LRCH1: variants seen among roughly 807,000 people sequenced by gnomAD.
LRCH1 encodes leucine-rich repeat and calponin homology domain-containing protein 1.
LRCH1 carries 23 observed loss-of-function variants against 94.9 expected under a neutral mutation model. The observed-to-expected ratio is 0.24, with a 90% CI of 0.17 to 0.34. The LOEUF is 0.34. Among genes scored for constraint, LRCH1 ranks in the 10% least tolerant of loss-of-function variants. The pLI is 1.00. For synonymous variants in LRCH1, 364 were observed against 354.9 expected (o/e 1.03, Z -0.29); for missense variants, 790 against 945.9 (o/e 0.84, Z 2.16).
At chr13:46,751,409 T>C (rs1268363300) in exon 19 of LRCH1, 1 of 152,160 alleles carries the variant, frequency 6.6e-6, no homozygotes, top group Admixed American at 6.6e-5. Context: ...GTCTTATTTA[T>C]ATTTCTGCAT....
At chr13:46,569,380 C>T (rs1323492125) in intron 1 of LRCH1, among the ~76,000 whole-genome samples, 1 of 152,034 alleles carries the variant, frequency 6.6e-6, no homozygotes, top group East Asian at 1.9e-4. Context: ...AAGAACTTGC[C>T]CAAGATCCCC....
intron 9 of LRCH1, among the ~76,000 whole-genome samples, chr13:46,698,798 A>G (rs1054848490): frequency 2.0e-5 from 3 of 152,212 alleles, no homozygotes; most frequent in African/African-American, 7.2e-5. Flanking sequence ...AAAATGTTTA[A>G]TTATGGGAAA....
intron 1 of LRCH1, among the ~76,000 whole-genome samples, chr13:46,600,362 G>T (rs2050613916): frequency 6.6e-6 from 1 of 152,138 alleles, no homozygotes; most frequent in African/African-American, 2.4e-5. Context: ...CAGATGGCTG[G>T]ATTATTTCAA....
chr13:46,563,566 C>T (rs1360705101), intron 1 of LRCH1, among the ~76,000 whole-genome samples: 1 of 152,226 alleles, frequency 6.6e-6, no homozygotes, highest in Non-Finnish European at 1.5e-5. Flanking sequence ...CAACAGCTAA[C>T]ATTAGCAAGC....
At chr13:46,726,955 A>T (rs1445755212) in intron 17 of LRCH1, among the ~76,000 whole-genome samples, 1 of 151,444 alleles carries the variant, frequency 6.6e-6, no homozygotes, top group African/African-American at 2.4e-5. Flanking sequence ...CCAGGTTTCC[A>T]CTGCAAATCC....
In LRCH1 at chr13:46,750,467, C is replaced by T. The variant is rs544752464; in HGVS notation, c.1981-73C>T. On this transcript the variant is annotated intron_variant, in intron 18 of 18. Coordinates refer to the LRCH1 transcript ENST00000311191. ...GTATTCAACCTAACTTTGATGTCATCAACGATGTAGCAGGATTTTACAATG... is the reference window on the plus strand; with the variant it reads ...GTATTCAACCTAACTTTGATGTCATTAACGATGTAGCAGGATTTTACAATG... 4.6e-6 allele frequency: 5 copies of T among 1,086,476 alleles called. No homozygotes were observed. The African/African-American group carries it at 6.2e-5, about 14-fold the overall frequency. 67.3% of individuals were successfully genotyped at this position (1,086,476 alleles called of 1,614,324 possible). A position where few individuals can be genotyped will look rare whatever the true frequency, so the allele number is the denominator to read the frequency against.
At chr13:46,711,622 G>A (rs1422148456) in intron 13 of LRCH1, among the ~76,000 whole-genome samples, 169 bp from the exon 14 acceptor site, 3 of 152,140 alleles carry the variant, frequency 2.0e-5, no homozygotes, top group Non-Finnish European at 2.9e-5. Flanking sequence ...TTTTCAGAAC[G>A]TATGAGTATG....
At chr13:46,631,160 G>A (rs1159767997) in intron 1 of LRCH1, among the ~76,000 whole-genome samples, 1 of 152,230 alleles carries the variant, frequency 6.6e-6, no homozygotes, top group Non-Finnish European at 1.5e-5. Flanking sequence ...TAAAACACGA[G>A]TGTGATTATT....
intron 5 of LRCH1, among the ~76,000 whole-genome samples, chr13:46,686,615 G>T (rs774056775): frequency 2.6e-5 from 4 of 152,168 alleles, no homozygotes; most frequent in Non-Finnish European, 5.9e-5. Context: ...GAATGGGACC[G>T]AGGGGCAGGA....
At chr13:46,676,725 C>T (rs1480892087) in intron 3 of LRCH1, among the ~76,000 whole-genome samples, 1 of 152,164 alleles carries the variant, frequency 6.6e-6, no homozygotes, top group Non-Finnish European at 1.5e-5. Context: ...CCTGGTCTTA[C>T]TGGAATTATT....
chr13:46,556,705 G>A lies in LRCH1; in HGVS notation c.307+3002G>A, dbSNP rs553606919. Among the ~76,000 whole-genome samples, 125 of 152,246 alleles carry A rather than the reference G, an allele frequency of 8.2e-4. 1 individual carries two copies. The highest frequency in any genetic ancestry group is 6.4e-3 in the South Asian group (31 of 4,820). ...TATACCTCTACTGAGATGGTCAACC[G>A]GTGATTGGAACCCTGGCAGCCTCAC... On this transcript the variant is annotated intron_variant, in intron 1 of 19. Transcript: ENST00000389797.
intron 1 of LRCH1, among the ~76,000 whole-genome samples, chr13:46,597,452 G>A (rs892182577): frequency 2.6e-5 from 4 of 152,012 alleles, no homozygotes; most frequent in African/African-American, 7.2e-5. Flanking sequence ...CGCCTCCCGG[G>A]TTCAAGCAAT....
rs767901780 is a variant in LRCH1 at position 46,699,412 on chromosome 13, C to T, written c.1313+9C>T. On this transcript the variant is annotated intron_variant, in intron 10 of 19. Coordinates refer to ENST00000389797, the MANE Select transcript of LRCH1 (RefSeq NM_001164211.2). The stretch of plus-strand genomic sequence containing the variant: ...TGGCAAACTGAGGGCATGTGAGTGC[C>T]GAGGCCTTGGTTACAAGCCATCATC... The T allele has an allele frequency of 9.3e-6, 15 of 1,612,562 alleles. No homozygotes were observed. Among genetic ancestry groups the T allele is most frequent in the East Asian group, 4.5e-5 (2 of 44,884 alleles).
intron 3 of LRCH1, among the ~76,000 whole-genome samples, chr13:46,677,058 G>T (rs1490072309): frequency 6.6e-6 from 1 of 152,004 alleles, no homozygotes; most frequent in African/African-American, 2.4e-5. Flanking sequence ...GGGAATATAG[G>T]CATGAAACAT....
intron 1 of LRCH1, among the ~76,000 whole-genome samples, chr13:46,637,879 G>A (rs1260504810): frequency 6.6e-6 from 1 of 152,188 alleles, no homozygotes; most frequent in Admixed American, 6.5e-5. Flanking sequence ...AACTATTTCT[G>A]GCGCATAGTA....
At chr13:46,701,705 A>T (rs929979832) in intron 11 of LRCH1, among the ~76,000 whole-genome samples, 3 of 152,230 alleles carry the variant, frequency 2.0e-5, no homozygotes, top group Non-Finnish European at 4.4e-5. Flanking sequence ...GCCTTGATCG[A>T]TAATAGGCAC....
In LRCH1 at chr13:46,706,687, T is replaced by TGCTGA. The variant is rs200624768; in HGVS notation, c.1527+1385_1527+1389dup. ...ATACTTCCTCCTTAACTTCTCAAAG[T>TGCTGA]GCTGAGATTACAGGTGGCTCACACC... On this transcript the variant is annotated intron_variant, in intron 13 of 19. Coordinates refer to ENST00000389797, the MANE Select transcript of LRCH1 (RefSeq NM_001164211.2). Among the ~76,000 whole-genome samples, 1,135 of 152,238 alleles carry TGCTGA rather than the reference T, an allele frequency of 7.5e-3. 19 individuals are homozygous for TGCTGA. The highest frequency in any genetic ancestry group is 0.026 in the African/African-American group (1,071 of 41,526).
intron 2 of LRCH1, among the ~76,000 whole-genome samples, chr13:46,663,244 A>G (rs902539001): frequency 2.0e-5 from 3 of 152,234 alleles, no homozygotes; most frequent in Non-Finnish European, 4.4e-5. Context: ...TTAGCTTTAC[A>G]TAAGTGTAAA....
At chr13:46,678,069 TA>T (rs984506412) in intron 3 of LRCH1, among the ~76,000 whole-genome samples, 1 of 152,252 alleles carries the variant, frequency 6.6e-6, no homozygotes, top group Non-Finnish European at 1.5e-5. Flanking sequence ...AAATTCTTAC[TA>T]ATTGCCGAAG....
Sources: allele counts gnomAD v4.1 joint callset (sites outside exome capture counted in the v4.1 genomes callset), GRCh38; gene constraint gnomAD v4.1.1; transcripts MANE v1.5; gene names NCBI Gene and HGNC (gene_info 2026-07-23, HGNC 2026-07-21).